The following GNAQ variants were observed in gnomAD, a reference collection of about 807,000 sequenced individuals.
GNAQ encodes the protein guanine nucleotide-binding protein G(q) subunit alpha.
A neutral mutation model predicts 43.9 loss-of-function variants in GNAQ; 8 were observed. That is an observed-to-expected ratio of 0.18 (90% confidence interval 0.11 to 0.33). GNAQ has a LOEUF of 0.33. Ranked by LOEUF, GNAQ falls within the 10% of genes least tolerant of loss-of-function variation. The probability of loss-of-function intolerance (pLI) is 1.00; values close to 1 mark genes in which losing one functional copy is unlikely to be tolerated. For synonymous variants in GNAQ, 155 were observed against 170.7 expected (o/e 0.91, Z 0.71); for missense variants, 158 against 450.8 (o/e 0.35, Z 5.88).
chr9:77,816,906 A>G (rs978601942), intron 2 of GNAQ, among the ~76,000 whole-genome samples: 1 of 152,110 alleles, frequency 6.6e-6, no homozygotes, highest in Non-Finnish European at 1.5e-5. Flanking sequence ...CCAATAGACT[A>G]ATCTTGACTT....
chr9:77,937,433 A>T (rs1373638647), intron 1 of GNAQ, among the ~76,000 whole-genome samples: 1 of 152,116 alleles, frequency 6.6e-6, no homozygotes, highest in Non-Finnish European at 1.5e-5. Context: ...GAAAGACTAC[A>T]TCTCAAAATA....
At chr9:77,843,642 G>A (rs1437308677) in intron 2 of GNAQ, among the ~76,000 whole-genome samples, 3 of 152,154 alleles carry the variant, frequency 2.0e-5, no homozygotes, top group African/African-American at 7.2e-5. Context: ...ACTGGTGTCA[G>A]GTGAACCATT....
intron 2 of GNAQ, among the ~76,000 whole-genome samples, chr9:77,880,029 T>TC (rs1281761234): frequency 6.6e-6 from 1 of 152,162 alleles, no homozygotes; most frequent in East Asian, 1.9e-4. Flanking sequence ...GAGTAGAAAA[T>TC]CAATCATCAC....
intron 1 of GNAQ, among the ~76,000 whole-genome samples, chr9:77,980,964 A>G (rs915929189): frequency 5.9e-5 from 9 of 152,174 alleles, no homozygotes; most frequent in Non-Finnish European, 8.8e-5. Flanking sequence ...AATCCATGCT[A>G]TATCAGTGAT....
At chr9:77,869,782 C>T (rs1383957975) in intron 2 of GNAQ, among the ~76,000 whole-genome samples, 3 of 152,216 alleles carry the variant, frequency 2.0e-5, no homozygotes, top group African/African-American at 7.2e-5. Flanking sequence ...AACCCATCTC[C>T]TTCTGGGAAT....
At chr9:77,744,401 C>T (rs1178297640) in intron 5 of GNAQ, among the ~76,000 whole-genome samples, 2 of 152,170 alleles carry the variant, frequency 1.3e-5, no homozygotes, top group African/African-American at 4.8e-5. Flanking sequence ...TCCCCCAACC[C>T]CTTTTTCCTG....
At chr9:77,744,462 A>G (rs182635964) in intron 5 of GNAQ, among the ~76,000 whole-genome samples, 69 of 152,286 alleles carry the variant, frequency 4.5e-4, no homozygotes, top group Admixed American at 1.4e-3. Context: ...CTACTGTGTA[A>G]TTACATAGCC....
At chr9:77,725,514 C>CT (rs1179652693) in intron 6 of GNAQ, among the ~76,000 whole-genome samples, 2 of 126,318 alleles carry the variant, frequency 1.6e-5, no homozygotes, top group Non-Finnish European at 3.2e-5. Flanking sequence ...AAATCAATGT[C>CT]TTTTTTCTTT....
intron 5 of GNAQ, among the ~76,000 whole-genome samples, chr9:77,749,389 ATTCAGG>A (rs1825778444): frequency 6.6e-6 from 1 of 152,208 alleles, no homozygotes; most frequent in African/African-American, 2.4e-5. Context: ...GTAGAATGTT[ATTCAGG>A]AAAACAGGCA....
rs915043012 is a variant in GNAQ, at chr9:77,718,107, G to A, written c.*3216C>T. 4.3e-6 allele frequency: 1 copy of A among 232,758 alleles called. No homozygotes were observed. Among genetic ancestry groups the A allele is most frequent in the African/African-American group, 2.2e-5 (1 of 45,308 alleles). 14.4% of individuals were successfully genotyped at this position (232,758 alleles called of 1,614,324 possible). A position where few individuals can be genotyped will look rare whatever the true frequency, so the allele number is the denominator to read the frequency against. The stretch of plus-strand genomic sequence containing the variant: ...GTGTTAAGTGAGTCATGAAATGGCT[G>A]CTTGCCTTGGTATGCTGAAGAAAGG... On this transcript the variant is annotated 3_prime_UTR_variant, in exon 7 of 7. Coordinates refer to ENST00000286548, the MANE Select transcript of GNAQ (RefSeq NM_002072.5).
rs12339480 is a variant in GNAQ at position 77,814,128 on chromosome 9, G to C, written c.476+1488C>G. Among the ~76,000 whole-genome samples the C allele has an allele frequency of 5.5e-3, 839 of 152,088 alleles. 3 individuals carry two copies. Among genetic ancestry groups the C allele is most frequent in the African/African-American group, 0.018 (754 of 41,490 alleles). On this transcript the variant is annotated intron_variant, in intron 3 of 6. Transcript: ENST00000286548. Reference sequence around the variant, plus strand: ...GGCAAAAGAAACAGAAGGACAGAGGGGGCAGGAGTAAAAAAGACAGCTGGT... The same window carrying C: ...GGCAAAAGAAACAGAAGGACAGAGGCGGCAGGAGTAAAAAAGACAGCTGGT...
chr9:77,848,308 G>C (rs1283457309), intron 2 of GNAQ, among the ~76,000 whole-genome samples: 1 of 152,166 alleles, frequency 6.6e-6, no homozygotes, highest in Non-Finnish European at 1.5e-5. Context: ...AAGTGACAAA[G>C]GGGACTCATA....
chr9:77,943,466 G>T (rs1014412162), intron 1 of GNAQ, among the ~76,000 whole-genome samples: 12 of 152,090 alleles, frequency 7.9e-5, no homozygotes, highest in African/African-American at 2.7e-4. Flanking sequence ...GTAGTCACAG[G>T]AATAATATGG....
At chr9:77,867,940 T>G (rs1827975018) in intron 2 of GNAQ, among the ~76,000 whole-genome samples, 1 of 152,198 alleles carries the variant, frequency 6.6e-6, no homozygotes, top group Non-Finnish European at 1.5e-5. Flanking sequence ...AAACAACTTA[T>G]CAAACTTGAC....
At chr9:77,788,278 T>C (rs996495183) in intron 5 of GNAQ, among the ~76,000 whole-genome samples, 1 of 152,110 alleles carries the variant, frequency 6.6e-6, no homozygotes, top group African/African-American at 2.4e-5. Context: ...CTAAGGAGCA[T>C]GTGAAACACA....
chr9:77,735,598 A>T (rs1453926847), intron 5 of GNAQ, among the ~76,000 whole-genome samples: 1 of 152,230 alleles, frequency 6.6e-6, no homozygotes, highest in East Asian at 1.9e-4. Flanking sequence ...TATCTCCAGC[A>T]GGATCACATT....
intron 1 of GNAQ, among the ~76,000 whole-genome samples, chr9:77,975,777 C>T (rs892200198): frequency 1.3e-5 from 2 of 152,090 alleles, no homozygotes; most frequent in Non-Finnish European, 2.9e-5. Flanking sequence ...ACCTCATGAT[C>T]CACCCGCCTC....
chr9:78,012,039 A>G lies in GNAQ; in HGVS notation c.136+19061T>C, dbSNP rs1455084407. ...TTAAGCTTTCATGTTATAGAAACAAATAACCAAATTTTTAAAAAAGCAAAT... is the reference window on the plus strand; with the variant it reads ...TTAAGCTTTCATGTTATAGAAACAAGTAACCAAATTTTTAAAAAAGCAAAT... On this transcript the variant is annotated intron_variant, in intron 1 of 6. Transcript: ENST00000286548. 2.0e-5 allele frequency among the ~76,000 whole-genome samples: 3 copies of G among 152,308 alleles called. No homozygotes were observed. In the East Asian group the frequency reaches 5.8e-4, roughly 29 times the overall value.
At chr9:77,819,319 A>C (rs946095745) in intron 2 of GNAQ, among the ~76,000 whole-genome samples, 2 of 152,144 alleles carry the variant, frequency 1.3e-5, no homozygotes, top group African/African-American at 2.4e-5. Flanking sequence ...AAATTCAGGT[A>C]AATCTTCGAT....
Sources: allele counts gnomAD v4.1 joint callset (sites outside exome capture counted in the v4.1 genomes callset), GRCh38; gene constraint gnomAD v4.1.1; transcripts MANE v1.5; gene names NCBI Gene and HGNC (gene_info 2026-07-23, HGNC 2026-07-21).